The following INPP4B variants were observed in gnomAD, a reference collection of about 807,000 sequenced individuals.
The protein encoded by INPP4B is inositol polyphosphate-4-phosphatase type II B.
INPP4B carries 55 observed loss-of-function variants against 122.5 expected under a neutral mutation model. The ratio of observed to expected loss-of-function variants is 0.45; its 90% CI spans 0.36 to 0.56. INPP4B has a LOEUF of 0.56. INPP4B is among the 20% of genes least tolerant of loss of function. The probability of loss-of-function intolerance (pLI) is 0.00; values close to 1 mark genes in which losing one functional copy is unlikely to be tolerated. For missense variants in INPP4B, 1,000 were observed against 1,097.7 expected, an observed-to-expected ratio of 0.91 and a Z score of 1.26; for synonymous variants, 403 against 388.7, an observed-to-expected ratio of 1.04 and a Z score of -0.43.
At chr4:142,232,514 T>G (rs1265696616) in intron 12 of INPP4B, among the ~76,000 whole-genome samples, 1 of 152,068 alleles carries the variant, frequency 6.6e-6, no homozygotes, top group Non-Finnish European at 1.5e-5. Flanking sequence ...CAATAAATGT[T>G]GTGTGTTCAG....
chr4:142,577,253 G>GA (rs1227324246), intron 2 of INPP4B, among the ~76,000 whole-genome samples: 2 of 152,058 alleles, frequency 1.3e-5, no homozygotes, highest in East Asian at 3.9e-4. Flanking sequence ...GTCAAGCCTT[G>GA]ATGTGTAGTG....
chr4:142,161,129 C>T (rs1819893675), intron 16 of INPP4B, among the ~76,000 whole-genome samples: 1 of 151,850 alleles, frequency 6.6e-6, no homozygotes, highest in Admixed American at 6.6e-5. Flanking sequence ...AACATCGGGC[C>T]TGTTTTCCTT....
chr4:142,146,021 C>G, intron 17 of INPP4B, 25 bp from the exon 18 acceptor site: 1 of 1,587,470 alleles, frequency 6.3e-7, no homozygotes, highest in South Asian at 1.1e-5. Flanking sequence ...AGTATCACTA[C>G]ATATTTTTGT....
At chr4:142,074,398 T>C (rs746427276) in intron 25 of INPP4B, among the ~76,000 whole-genome samples, 9 of 152,106 alleles carry the variant, frequency 5.9e-5, no homozygotes, top group Non-Finnish European at 1.0e-4. Flanking sequence ...TTAAAAACTC[T>C]TACAGTACAA....
intron 2 of INPP4B, among the ~76,000 whole-genome samples, chr4:142,705,003 G>A (rs1435840462): frequency 6.6e-6 from 1 of 152,146 alleles, no homozygotes; most frequent in Non-Finnish European, 1.5e-5. Context: ...TAGCATTACA[G>A]AAACGTTTAC....
At chr4:142,513,172 T>G (rs978198318) in intron 2 of INPP4B, among the ~76,000 whole-genome samples, 2 of 152,200 alleles carry the variant, frequency 1.3e-5, no homozygotes, top group African/African-American at 4.8e-5. Context: ...GACACTATTC[T>G]AGATTCTGCG....
At chr4:142,099,917 G>A (rs1783730833) in intron 23 of INPP4B, among the ~76,000 whole-genome samples, 1 of 152,110 alleles carries the variant, frequency 6.6e-6, no homozygotes, top group South Asian at 2.1e-4. Flanking sequence ...AAATTTGACA[G>A]CTAACTCTAT....
At chr4:142,811,027 T>C (rs1235999465) in intron 1 of INPP4B, among the ~76,000 whole-genome samples, 3 of 152,258 alleles carry the variant, frequency 2.0e-5, no homozygotes. Flanking sequence ...GACATTTTTC[T>C]GCACTGGTTG....
At chr4:142,839,305 A>T (rs2151205560) in intron 1 of INPP4B, among the ~76,000 whole-genome samples, 1 of 152,240 alleles carries the variant, frequency 6.6e-6, no homozygotes, top group African/African-American at 2.4e-5. Flanking sequence ...TAAAAATACA[A>T]AAATTAGCCT....
intron 12 of INPP4B, among the ~76,000 whole-genome samples, chr4:142,228,906 C>T (rs34204414): frequency 0.087 from 13,144 of 151,466 alleles, 771 homozygotes; most frequent in South Asian, 0.21. Flanking sequence ...AAATGTTCAA[C>T]CACACAGGTA....
chr4:142,638,876 C>T (rs899219654), intron 2 of INPP4B, among the ~76,000 whole-genome samples: 6 of 152,084 alleles, frequency 3.9e-5, no homozygotes, highest in Non-Finnish European at 8.8e-5. Flanking sequence ...AAAAGCTTCT[C>T]GTTTTCACCA....
At chr4:142,289,645 T>C (rs529109248) in intron 9 of INPP4B, among the ~76,000 whole-genome samples, 1 of 152,164 alleles carries the variant, frequency 6.6e-6, no homozygotes, top group Non-Finnish European at 1.5e-5. Context: ...GGTTTTCTTT[T>C]CCTGCATTAG....
intron 1 of INPP4B, among the ~76,000 whole-genome samples, chr4:142,793,068 C>T (rs1237959011): frequency 6.6e-6 from 1 of 151,860 alleles, no homozygotes; most frequent in Non-Finnish European, 1.5e-5. Context: ...AAGTAAAGAG[C>T]AAATGACAAA....
intron 18 of INPP4B, among the ~76,000 whole-genome samples, chr4:142,144,222 TACACACACACACACACACACACAC>T (rs35496129): frequency 1.4e-5 from 2 of 144,938 alleles, no homozygotes; most frequent in Non-Finnish European, 3.0e-5. Flanking sequence ...AAATACAAGA[TACACACACACACACACACACACAC>T]ACACACACAC....
intron 1 of INPP4B, among the ~76,000 whole-genome samples, chr4:142,743,058 C>T (rs1768132442): frequency 6.6e-6 from 1 of 151,920 alleles, no homozygotes; most frequent in African/African-American, 2.4e-5. Flanking sequence ...AGAAACAAGC[C>T]ATGAGGAATT....
intron 25 of INPP4B, among the ~76,000 whole-genome samples, chr4:142,040,049 C>T (rs1049845704): frequency 2.7e-5 from 4 of 148,352 alleles, no homozygotes; most frequent in African/African-American, 5.0e-5. Context: ...GGGGGTAATA[C>T]AGAATAAAAG....
intron 2 of INPP4B, among the ~76,000 whole-genome samples, chr4:142,643,530 T>C (rs969165931): frequency 6.6e-6 from 1 of 152,170 alleles, no homozygotes; most frequent in African/African-American, 2.4e-5. Flanking sequence ...GCAGGGGTGT[T>C]CACTTTGATA....
chr4:142,152,419 A>G (rs1027038920), intron 17 of INPP4B, among the ~76,000 whole-genome samples: 3 of 151,870 alleles, frequency 2.0e-5, no homozygotes, highest in African/African-American at 7.3e-5. Context: ...AAATGTAATG[A>G]CTATTATTTT....
intron 1 of INPP4B, among the ~76,000 whole-genome samples, chr4:142,792,745 T>C (rs1344538519): frequency 6.6e-6 from 1 of 151,978 alleles, no homozygotes; most frequent in Non-Finnish European, 1.5e-5. Flanking sequence ...ACAAAGCCAG[T>C]GGGGATGGAT....
Sources: allele counts gnomAD v4.1 joint callset (sites outside exome capture counted in the v4.1 genomes callset), GRCh38; gene constraint gnomAD v4.1.1; transcripts MANE v1.5; gene names NCBI Gene and HGNC (gene_info 2026-07-23, HGNC 2026-07-21).